The following RYR2 variants were observed in gnomAD, a reference collection of about 807,000 sequenced individuals.
RYR2 encodes ryanodine receptor 2.
Under a neutral mutation model 601.1 loss-of-function variants are expected in RYR2, and 227 were observed. The observed-to-expected ratio is 0.38, with a 90% CI of 0.34 to 0.42. The LOEUF (loss-of-function observed/expected upper bound fraction) is 0.42, where lower values mean the gene tolerates loss of function less well. Ranked by LOEUF, RYR2 falls within the 10% of genes least tolerant of loss-of-function variation. The pLI is 1.00. For missense variants in RYR2, 4,646 were observed against 6,156.5 expected (o/e 0.75, Z 8.21); for synonymous variants, 2,223 against 2,175.1 (o/e 1.02, Z -0.61).
chr1:237,648,362 A>T, intron 48 of RYR2, 82 bp from the exon 49 acceptor site: 2 of 1,184,630 alleles, frequency 1.7e-6, no homozygotes, highest in Non-Finnish European at 2.3e-6. Flanking sequence ...TTTAAAATGT[A>T]AGAAGTCTAG....
At position 237,783,673 on chromosome 1, in the gene RYR2, A is replaced by G. The variant is rs768804293; in HGVS notation, c.11963-2A>G. On this transcript the variant is annotated splice_acceptor_variant, in intron 89 of 104. Transcript: ENST00000366574. LOFTEE classifies it high-confidence loss of function. ...AAACAAATGCAACTGCTTTACCACCAGGTAATGTTGTTAATGGAACGATTG... is the reference window on the plus strand; with the variant it reads ...AAACAAATGCAACTGCTTTACCACCGGGTAATGTTGTTAATGGAACGATTG... 1 of 1,584,572 alleles carries G rather than the reference A, an allele frequency of 6.3e-7. No homozygotes were observed.
chr1:237,276,126 G>C (rs999074479), intron 2 of RYR2, among the ~76,000 whole-genome samples: 1 of 152,082 alleles, frequency 6.6e-6, no homozygotes, highest in South Asian at 2.1e-4. Flanking sequence ...TTGAGATGGA[G>C]TCTCGCTCTG....
chr1:237,538,003 A>C lies in RYR2; in HGVS notation c.2906+7493A>C, dbSNP rs554521504. On this transcript the variant is annotated intron_variant, in intron 25 of 104. Transcript: ENST00000366574. ...TAGGCCTGGAATTTTTCATAGTAAT[A>C]ACAAAGAGGTGATTGATAACAGAAA... Among the ~76,000 whole-genome samples, 18 of 152,276 alleles carry C rather than the reference A, an allele frequency of 1.2e-4. No homozygotes were observed. The South Asian group carries it at 3.5e-3, about 30-fold the overall frequency.
intron 61 of RYR2, among the ~76,000 whole-genome samples, chr1:237,679,385 G>T (rs545898050): frequency 6.6e-6 from 1 of 152,244 alleles, no homozygotes; most frequent in African/African-American, 2.4e-5. Context: ...TGTCCCAATT[G>T]TCAAGGAAGA....
rs1359049210 is a variant in RYR2, at chr1:237,589,981, T to C, written c.3787T>C (p.Ser1263Pro). 6.2e-7 allele frequency: 1 copy of C among 1,613,754 alleles called. No individual in the cohort carries two copies. Among genetic ancestry groups the C allele is most frequent in the Non-Finnish European group, 8.5e-7 (1 of 1,179,832 alleles). ...KRLPQFLQVPSNHEHIEVTRI... is the reference protein window; with the variant it reads ...KRLPQFLQVPPNHEHIEVTRI... ...GCTTCCTCAGTTTCTTCAAGTTCCA[T>C]CAAACCATGAACATATAGAGGTTTG... Residue 1263 changes from serine (S) to proline (P), a missense_variant, in exon 30 of 105, where the codon TCA (serine) becomes CCA (proline). This residue lies in a region of RYR2 where 1,807 missense variants were observed against 2,088.1 expected (regional missense o/e 0.87). Coordinates refer to ENST00000366574, the MANE Select transcript of RYR2 (RefSeq NM_001035.3).
chr1:237,207,903 A>G (rs914213411), intron 1 of RYR2, among the ~76,000 whole-genome samples: 3 of 152,232 alleles, frequency 2.0e-5, no homozygotes, highest in African/African-American at 7.2e-5. Flanking sequence ...CTGAGAGCAT[A>G]TTAATCTTTT....
intron 62 of RYR2, among the ~76,000 whole-genome samples, chr1:237,683,189 A>G (rs1243271772): frequency 6.6e-6 from 1 of 152,356 alleles, no homozygotes; most frequent in South Asian, 2.1e-4. Flanking sequence ...CGCATGATAA[A>G]CACTATGATA....
intron 56 of RYR2, among the ~76,000 whole-genome samples, chr1:237,662,707 G>A (rs1042597234): frequency 4.6e-5 from 7 of 152,024 alleles, no homozygotes; most frequent in Admixed American, 6.5e-5. Flanking sequence ...CTATTAACCC[G>A]TGAAACCATC....
intron 84 of RYR2, among the ~76,000 whole-genome samples, chr1:237,765,237 C>A (rs956927362): frequency 2.6e-5 from 4 of 152,102 alleles, no homozygotes; most frequent in African/African-American, 9.7e-5. Flanking sequence ...ACCATTAACC[C>A]CATTACCAAA....
In RYR2 at chr1:237,782,178, C is replaced by CTTT. The variant is rs35521596; in HGVS notation, c.11962+549_11962+551dup. 1.8e-3 allele frequency among the ~76,000 whole-genome samples: 215 copies of CTTT among 119,136 alleles called. 11 individuals carry two copies. The East Asian group carries it at 0.04, about 22-fold the overall frequency. 78.2% of individuals were successfully genotyped at this position (119,136 alleles called of 152,430 possible). On this transcript the variant is annotated intron_variant, in intron 89 of 104. Coordinates refer to ENST00000366574, the MANE Select transcript of RYR2 (RefSeq NM_001035.3). ...TTCTTCCCAGCTTATTTTGTTATTGCTTTTTTTTTTTTTTTTTTTCCTGTA... is the reference window on the plus strand; with the variant it reads ...TTCTTCCCAGCTTATTTTGTTATTGCTTTTTTTTTTTTTTTTTTTTTTCCTGTA...
At chr1:237,072,181 C>T (rs1315048361) in intron 1 of RYR2, among the ~76,000 whole-genome samples, 3 of 152,202 alleles carry the variant, frequency 2.0e-5, no homozygotes, top group African/African-American at 4.8e-5. Context: ...GTTCCTCGTG[C>T]CCTCCGGCTC....
At chr1:237,495,326 G>T (rs988295699) in intron 19 of RYR2, among the ~76,000 whole-genome samples, 2 of 152,150 alleles carry the variant, frequency 1.3e-5, no homozygotes, top group African/African-American at 4.8e-5. Flanking sequence ...GAAACCCATG[G>T]TCTTCCAACT....
chr1:237,658,513 G>A (rs1050368029), intron 54 of RYR2, among the ~76,000 whole-genome samples: 26 of 151,936 alleles, frequency 1.7e-4, no homozygotes, highest in Admixed American at 1.6e-3. Context: ...TGCCTCAACC[G>A]CCTGAGTAGT....
chr1:237,369,461 A>G (rs1159232469), intron 5 of RYR2, 73 bp from the exon 6 acceptor site: 3 of 1,269,080 alleles, frequency 2.4e-6, no homozygotes, highest in Non-Finnish European at 3.4e-6. Context: ...GCAAGAGAGT[A>G]TTTTATCAAC....
intron 18 of RYR2, 77 bp downstream of exon 18, chr1:237,492,001 A>T: frequency 1.4e-6 from 1 of 715,842 alleles, no homozygotes; most frequent in South Asian, 1.7e-5. Flanking sequence ...TAACTTTTAA[A>T]AAGTGTGTCA....
intron 97 of RYR2, among the ~76,000 whole-genome samples, chr1:237,801,541 C>CAA (rs113741938): frequency 0.018 from 1,867 of 106,386 alleles, 64 homozygotes; most frequent in African/African-American, 0.062. Context: ...AACTCTGTCT[C>CAA]AAAAAAAAAA....
intron 24 of RYR2, among the ~76,000 whole-genome samples, chr1:237,523,296 C>A (rs145799448): frequency 1.5e-3 from 233 of 152,212 alleles, no homozygotes; most frequent in African/African-American, 5.6e-3. Flanking sequence ...AGGCCACCAG[C>A]TGGGAGAGAA....
At chr1:237,595,760 T>G in intron 34 of RYR2, 103 bp downstream of exon 34, 1 of 1,345,062 alleles carries the variant, frequency 7.4e-7, no homozygotes. Flanking sequence ...TAGACACATG[T>G]ACATGTGCCC....
intron 1 of RYR2, among the ~76,000 whole-genome samples, chr1:237,051,665 G>A (rs929084007): frequency 2.2e-4 from 34 of 152,114 alleles, no homozygotes; most frequent in African/African-American, 6.8e-4. Context: ...GCATTGATAT[G>A]TAATTGTCTG....
Sources: gnomAD v4.1 joint callset for allele counts (sites outside exome capture counted in the v4.1 genomes callset) on GRCh38, gnomAD v4.1.1 for gene constraint, gnomAD v4.1.1 regional missense constraint, MANE v1.5 for transcripts, NCBI Gene and HGNC (gene_info 2026-07-23, HGNC 2026-07-21) for gene names.